NUDT14: variants seen among roughly 807,000 people sequenced by gnomAD.
NUDT14 encodes uridine diphosphate glucose pyrophosphatase NUDT14.
NUDT14 carries 22 observed loss-of-function variants against 17.5 expected under a neutral mutation model. The observed-to-expected ratio is 1.26, with a 90% confidence interval of 0.90 to 1.80. The LOEUF is 1.80. Ranked by LOEUF, NUDT14 falls within the 40% of genes most tolerant of loss-of-function variation. The pLI, the probability that NUDT14 is intolerant of heterozygous loss-of-function variation, is 0.00. For missense variants in NUDT14, 296 were observed against 295.6 expected, an observed-to-expected ratio of 1.00 and a Z score of -0.01; for synonymous variants, 129 against 125.8, an observed-to-expected ratio of 1.03 and a Z score of -0.17.
chr14:105,177,088 C>G lies in NUDT14; in HGVS notation c.126-61G>C. The G allele has an allele frequency of 2.0e-6, 3 of 1,513,206 alleles. No homozygotes were observed. The South Asian group carries it at 3.5e-5, about 18-fold the overall frequency. 93.7% of individuals were successfully genotyped at this position (1,513,206 alleles called of 1,614,324 possible). ...TCCACTGGCCCTCGTGGGGCCCCAC[C>G]TCCCATCTTTCTGTTCCCAGCGTGG... On this transcript the variant is annotated intron_variant, in intron 2 of 4. Transcript: ENST00000392568.
At chr14:105,179,000 G>A (rs587731225) in intron 1 of NUDT14, among the ~76,000 whole-genome samples, 30 of 151,934 alleles carry the variant, frequency 2.0e-4, no homozygotes, top group African/African-American at 6.8e-4. Context: ...AGCCACCCCC[G>A]AACCACCACC....
At chr14:105,175,137 C>T (rs1889183463) in intron 4 of NUDT14, among the ~76,000 whole-genome samples, 1 of 152,208 alleles carries the variant, frequency 6.6e-6, no homozygotes, top group African/African-American at 2.4e-5. Flanking sequence ...ACCACCGCGG[C>T]CAGGGCTGCT....
intron 4 of NUDT14, among the ~76,000 whole-genome samples, chr14:105,174,788 G>T (rs993737724): frequency 2.0e-5 from 3 of 152,128 alleles, no homozygotes; most frequent in Non-Finnish European, 2.9e-5. Flanking sequence ...CCCAGGGCAC[G>T]TTCCAACTTC....
At position 105,181,009 on chromosome 14, in the gene NUDT14, G is replaced by A. The variant is rs908095027; in HGVS notation, c.81+120C>T. 1 of 265,350 alleles carries A rather than the reference G, an allele frequency of 3.8e-6. No individual in the cohort carries two copies. Among genetic ancestry groups the A allele is most frequent in the Admixed American group, 6.3e-5 (1 of 15,854 alleles). 16.4% of individuals were successfully genotyped at this position (265,350 alleles called of 1,614,324 possible). On this transcript the variant is annotated intron_variant, in intron 1 of 4. Transcript: ENST00000392568. This position sits in a 1 kb window ranked among gnomAD's most constrained non-coding sequence, Gnocchi z 5.0. ...CGGACAAGCGGCCGCCCGGGAGATCGGCGGGAGGCGGGGGCGGGGCTCCGG... is the reference window on the plus strand; with the variant it reads ...CGGACAAGCGGCCGCCCGGGAGATCAGCGGGAGGCGGGGGCGGGGCTCCGG...
Position 105,173,222 on chromosome 14 carries a change from G to C in NUDT14, c.468C>G (p.Phe156Leu), listed in dbSNP as rs1431103032. 1.2e-6 allele frequency: 2 copies of C among 1,603,044 alleles called. No individual in the cohort carries two copies. The highest frequency in any genetic ancestry group is 1.1e-5 in the South Asian group (1 of 89,316). The change falls in exon 5 of 5, where the codon TTC becomes TTG. Residue 156 changes from phenylalanine to leucine, a missense_variant. Coordinates refer to ENST00000392568, the MANE Select transcript of NUDT14 (RefSeq NM_177533.5). This position sits in a 1 kb window ranked among gnomAD's most constrained non-coding sequence, Gnocchi z 4.7. ...GCTGGGCATCTGTCACCTCTGTGTA[G>C]AACATGGTCTGTCTGGAGCCAGTCA... ...VGLTGSRQTM[F>L]YTEVTDAQRS... is the part of the protein sequence containing the mutation.
intron 2 of NUDT14, 46 bp downstream of exon 2, chr14:105,177,646 A>G (rs1394948875): frequency 6.3e-7 from 1 of 1,592,414 alleles, no homozygotes; most frequent in Non-Finnish European, 8.6e-7. Flanking sequence ...CCCCGTAGAC[A>G]TCAGTCTGGG....
In NUDT14 at chr14:105,177,739, G is replaced by C. The variant is rs750622332; in HGVS notation, c.82-4C>G. 25 of 1,612,068 alleles carry C rather than the reference G, an allele frequency of 1.6e-5. No individual in the cohort carries two copies. The highest frequency in any genetic ancestry group is 1.7e-6 in the Non-Finnish European group (2 of 1,179,518). ...CCCAGGACTTCTGGGCACCATTCTA[G>C]AAGGGGCAGGTCAGCGGTTAGAATG... On this transcript the variant is annotated splice_polypyrimidine_tract_variant and splice_region_variant and intron_variant, in intron 1 of 4. Transcript: ENST00000392568.
At position 105,173,103 on chromosome 14, in the gene NUDT14, G is replaced by C. The variant is rs753782011; in HGVS notation, c.587C>G (p.Pro196Arg). ...GACGCCGAGGGTCTTGGGGATGTCC[G>C]GGTCGTCTGCAAAGGCCTGGGCGCC... is the stretch of plus-strand genomic sequence containing the variant. ...LEGAQAFADD[P>R]DIPKTLGVIF... is the part of the protein sequence containing the mutation. Residue 196 changes from proline (P) to arginine (R), a missense_variant, in exon 5 of 5, where the codon CCG (proline) becomes CGG (arginine). By Grantham distance (103) the Pro-to-Arg change is moderately radical. Coordinates refer to ENST00000392568, the MANE Select transcript of NUDT14 (RefSeq NM_177533.5). The surrounding 1 kb of genome is among the most constrained non-coding windows in gnomAD (Gnocchi z 4.7). 4 of 1,589,462 alleles carry C rather than the reference G, an allele frequency of 2.5e-6. No individual in the cohort carries two copies. Among genetic ancestry groups the C allele is most frequent in the Non-Finnish European group, 3.4e-6 (4 of 1,169,554 alleles).
chr14:105,172,954 C>T lies in NUDT14; in HGVS notation c.*67G>A, dbSNP rs1889134997. 1.4e-6 allele frequency: 2 copies of T among 1,427,298 alleles called. No homozygotes were observed. Among genetic ancestry groups the T allele is most frequent in the African/African-American group, 1.4e-5 (1 of 69,276 alleles). The allele number at this position is 1,427,298 out of a possible 1,614,324, so 88.4% of individuals were successfully genotyped here. A position where few individuals can be genotyped will look rare whatever the true frequency, so the allele number is the denominator to read the frequency against. On this transcript the variant is annotated 3_prime_UTR_variant, in exon 5 of 5. Transcript: ENST00000392568. ...AGGCAGAAGCTGGAGCTATGCAAGC[C>T]TTTATTGGGGTCCGCGGGGTGTGGG... is the stretch of plus-strand genomic sequence containing the variant.
chr14:105,177,133 G>A (rs1889232846), intron 2 of NUDT14, 106 bp from the exon 3 acceptor site: 4 of 1,057,370 alleles, frequency 3.8e-6, no homozygotes, highest in Non-Finnish European at 5.6e-6. Flanking sequence ...CTCCTTGCCA[G>A]CAGCCCAGGG....
At chr14:105,176,875 C>T in intron 3 of NUDT14, 88 bp downstream of exon 3, 2 of 1,554,334 alleles carry the variant, frequency 1.3e-6, no homozygotes, top group South Asian at 2.2e-5. Flanking sequence ...CCCCTGGAGC[C>T]CCCTCCCACA....
At chr14:105,180,191 A>G (rs1260332440) in intron 1 of NUDT14, among the ~76,000 whole-genome samples, 1 of 152,206 alleles carries the variant, frequency 6.6e-6, no homozygotes, top group East Asian at 1.9e-4. Flanking sequence ...TTCACCCAAC[A>G]CATATGCCTC....
Position 105,173,395 on chromosome 14 carries a change from C to T in NUDT14, c.429-134G>A, listed in dbSNP as rs1371518998. 2 of 1,049,318 alleles carry T rather than the reference C, an allele frequency of 1.9e-6. No individual in the cohort carries two copies. Among genetic ancestry groups the T allele is most frequent in the Non-Finnish European group, 2.5e-6 (2 of 795,702 alleles). 65.0% of individuals were successfully genotyped at this position (1,049,318 alleles called of 1,614,324 possible). ...CCAGTAGGCAGGACTCTGGGATGCC[C>T]TCTCCCACCCGGATTCCCACCTGGT... On this transcript the variant is annotated intron_variant, in intron 4 of 4. Coordinates refer to ENST00000392568, the MANE Select transcript of NUDT14 (RefSeq NM_177533.5). The surrounding 1 kb of genome is among the most constrained non-coding windows in gnomAD (Gnocchi z 4.7).
At chr14:105,177,561 G>C in intron 2 of NUDT14, 131 bp downstream of exon 2, 1 of 819,894 alleles carries the variant, frequency 1.2e-6, no homozygotes, top group Non-Finnish European at 2.0e-6. Flanking sequence ...CGGGCAGAGA[G>C]AAGGGACTTT....
chr14:105,179,900 G>C (rs1261606758), intron 1 of NUDT14, among the ~76,000 whole-genome samples: 1 of 152,210 alleles, frequency 6.6e-6, no homozygotes, highest in Non-Finnish European at 1.5e-5. Flanking sequence ...GGATGTGATG[G>C]GGGGGACAGG....
Position 105,177,041 on chromosome 14 carries a change from GA to G in NUDT14, c.126-15del. 1 of 1,609,996 alleles carries G rather than the reference GA, an allele frequency of 6.2e-7. No homozygotes were observed. On this transcript the variant is annotated splice_polypyrimidine_tract_variant and intron_variant, in intron 2 of 4. Coordinates refer to ENST00000392568, the MANE Select transcript of NUDT14 (RefSeq NM_177533.5). ...AGAACGGTCACGCTGTGTACGGGGG[GA>G]GGGGCTCAGCACAGAAGCACTCCAC...
intron 2 of NUDT14, chr14:105,177,437 C>T: frequency 1.8e-6 from 1 of 561,840 alleles, no homozygotes; most frequent in Admixed American, 3.1e-5. Flanking sequence ...CCAGGACAGC[C>T]TCTCCCTGCC....
chr14:105,179,264 C>T (rs939450504), intron 1 of NUDT14, among the ~76,000 whole-genome samples: 17 of 152,180 alleles, frequency 1.1e-4, no homozygotes, highest in African/African-American at 4.1e-4. Flanking sequence ...CCCATCGCCT[C>T]GGAGCCACGG....
intron 1 of NUDT14, among the ~76,000 whole-genome samples, chr14:105,180,845 G>T (rs1889310059): frequency 6.6e-6 from 1 of 152,222 alleles, no homozygotes; most frequent in Non-Finnish European, 1.5e-5. Context: ...CTGCCAAGAG[G>T]GTCGGATTGG....
Sources: gnomAD v4.1 joint callset for allele counts (sites outside exome capture counted in the v4.1 genomes callset) on GRCh38, gnomAD v4.1.1 for gene constraint, Gnocchi (gnomAD v3.1) non-coding constraint, MANE v1.5 for transcripts, NCBI Gene and HGNC (gene_info 2026-07-23, HGNC 2026-07-21) for gene names.